DOCK1: variants seen among roughly 807,000 people sequenced by gnomAD.
DOCK1 encodes the protein dedicator of cytokinesis protein 1.
In DOCK1, 138 loss-of-function variants were observed where a neutral mutation model predicts 262.7. That is an observed-to-expected ratio of 0.53 (90% CI 0.46 to 0.61). The LOEUF is 0.61. DOCK1 is among the 20% of genes least tolerant of loss of function. The pLI is 0.00. For missense variants in DOCK1, 1,908 were observed against 2,370.7 expected (o/e 0.80, Z 4.05); for synonymous variants, 866 against 867.4 (o/e 1.00, Z 0.03).
chr10:127,430,040 A>G (rs562892661), intron 47 of DOCK1, among the ~76,000 whole-genome samples: 163 of 152,196 alleles, frequency 1.1e-3, no homozygotes, highest in African/African-American at 3.7e-3. Context: ...CCATAACCCC[A>G]AGATGCCATC....
At chr10:126,948,884 G>C (rs1051513319) in intron 1 of DOCK1, among the ~76,000 whole-genome samples, 34 of 152,190 alleles carry the variant, frequency 2.2e-4, no homozygotes, top group African/African-American at 7.9e-4. Flanking sequence ...CCTGGCCCAG[G>C]GTAGTACTGG....
intron 48 of DOCK1, among the ~76,000 whole-genome samples, chr10:127,434,717 A>G (rs1162382140): frequency 1.2e-4 from 18 of 149,448 alleles, no homozygotes; most frequent in Non-Finnish European, 1.8e-4. Flanking sequence ...CAGTGGCACG[A>G]TCTCGGCTCA....
intron 6 of DOCK1, 77 bp from the exon 7 acceptor site, chr10:126,996,671 C>G: frequency 7.2e-7 from 1 of 1,386,918 alleles, no homozygotes; most frequent in East Asian, 2.7e-5. Context: ...TGCCCAGTTG[C>G]TGTGGTGGAA....
intron 19 of DOCK1, among the ~76,000 whole-genome samples, chr10:127,038,160 G>A (rs956692898): frequency 6.6e-5 from 10 of 152,128 alleles, no homozygotes; most frequent in African/African-American, 2.4e-4. Context: ...TTGAACCCAG[G>A]AGGCGGAGGT....
At chr10:127,314,211 G>A (rs570140220) in intron 29 of DOCK1, among the ~76,000 whole-genome samples, 5 of 152,334 alleles carry the variant, frequency 3.3e-5, no homozygotes, top group South Asian at 2.1e-4. Flanking sequence ...GGCAGACCAT[G>A]GAAATGTTTC....
In DOCK1 at chr10:127,370,502, A is replaced by G. The variant is rs557582777; in HGVS notation, c.3433-3279A>G. On this transcript the variant is annotated intron_variant, in intron 33 of 51. Coordinates refer to ENST00000623213, the MANE Select transcript of DOCK1 (RefSeq NM_001290223.2). ...GGCTGATTTTATACATTACAGATGT[A>G]TAAAATTATAGATGCATTAGAGTAA... 2.7e-3 allele frequency among the ~76,000 whole-genome samples: 404 copies of G among 152,302 alleles called. 1 individual carries two copies. The highest frequency in any genetic ancestry group is 6.8e-3 in the Middle Eastern group (2 of 294).
At position 127,012,500 on chromosome 10, in the gene DOCK1, G is replaced by C; in HGVS notation, c.1201+126G>C. 1.2e-6 allele frequency: 1 copy of C among 805,486 alleles called. No homozygotes were observed. The allele number at this position is 805,486 out of a possible 1,614,324, so 49.9% of individuals were successfully genotyped here. On this transcript the variant is annotated intron_variant, in intron 12 of 51. Coordinates refer to ENST00000623213, the MANE Select transcript of DOCK1 (RefSeq NM_001290223.2). This position sits in a 1 kb window ranked among gnomAD's most constrained non-coding sequence, Gnocchi z 4.0. ...GATAATGATGGGGATGACAGTGATC[G>C]TGGTGGAGAATGTGTGTGACAGTTG...
chr10:127,080,901 T>A (rs748725091), intron 23 of DOCK1, among the ~76,000 whole-genome samples: 1 of 152,172 alleles, frequency 6.6e-6, no homozygotes, highest in Non-Finnish European at 1.5e-5. Context: ...CGTTAGCTCA[T>A]AATTGTTTTC....
intron 23 of DOCK1, among the ~76,000 whole-genome samples, chr10:127,099,964 C>T (rs916505057): frequency 6.6e-6 from 1 of 152,134 alleles, no homozygotes; most frequent in Non-Finnish European, 1.5e-5. Context: ...AGCCTCTGAG[C>T]TGGCAGAGGG....
intron 12 of DOCK1, chr10:127,016,076 A>C (rs958418432): frequency 6.6e-6 from 1 of 152,174 alleles, no homozygotes; most frequent in African/African-American, 2.4e-5. Flanking sequence ...CTCCCGTGAG[A>C]ACTTCGCAGT....
chr10:127,109,229 G>A (rs149680865), intron 24 of DOCK1, among the ~76,000 whole-genome samples: 2,430 of 152,188 alleles, frequency 0.016, 54 homozygotes, highest in Non-Finnish European at 0.018. Context: ...CTGGTACTGG[G>A]AATTACCATT....
intron 12 of DOCK1, among the ~76,000 whole-genome samples, chr10:127,014,052 C>G (rs1384160306): frequency 6.6e-6 from 1 of 152,252 alleles, no homozygotes; most frequent in Non-Finnish European, 1.5e-5. Context: ...TCAGAGAGAA[C>G]CACTGGGTTT....
intron 27 of DOCK1, chr10:127,195,877 GT>G (rs1250326401): frequency 1.3e-5 from 2 of 152,300 alleles, no homozygotes; most frequent in Non-Finnish European, 2.9e-5. Context: ...GGCCAAGCCG[GT>G]TTGGGGCCGA....
chr10:127,095,597 C>T (rs777574372), intron 23 of DOCK1, among the ~76,000 whole-genome samples: 2 of 151,992 alleles, frequency 1.3e-5, no homozygotes, highest in African/African-American at 2.4e-5. Context: ...CTGGGCTGAC[C>T]CAAAGGCCGA....
intron 25 of DOCK1, among the ~76,000 whole-genome samples, chr10:127,116,288 T>A (rs1486431579): frequency 1.3e-5 from 2 of 152,232 alleles, no homozygotes; most frequent in African/African-American, 4.8e-5. Flanking sequence ...ATTTTTGAGC[T>A]TCTTGAAAGT....
intron 27 of DOCK1, among the ~76,000 whole-genome samples, chr10:127,197,738 CT>C (rs1215092591): frequency 1.3e-5 from 2 of 152,192 alleles, no homozygotes; most frequent in African/African-American, 4.8e-5. Flanking sequence ...CTAGCACCAG[CT>C]CTGTGCCTGT....
chr10:127,361,052 C>G (rs1218430554), intron 32 of DOCK1, among the ~76,000 whole-genome samples: 1 of 142,580 alleles, frequency 7.0e-6, no homozygotes, highest in Non-Finnish European at 1.5e-5. Context: ...TTTCTGAGTT[C>G]TTTAAAAATC....
intron 27 of DOCK1, among the ~76,000 whole-genome samples, chr10:127,219,577 C>G (rs992335215): frequency 6.6e-6 from 1 of 152,228 alleles, no homozygotes; most frequent in South Asian, 2.1e-4. Flanking sequence ...TGACTAAATT[C>G]CAGAACTCTT....
chr10:127,425,888 C>G lies in DOCK1; in HGVS notation c.4791C>G (p.Ala1597=). ...CTGTTTTCCAGATTCCTTTTCTGGC[C>G]GAAGGGATCAGAATCCATGGAGACA... ...DLIAWQIPFL[A]EGIRIHGDKV... Residue 1597 remains alanine (A), a synonymous_variant, in exon 47 of 52, where the codon GCC becomes GCG. Transcript: ENST00000623213. 1.9e-6 allele frequency: 3 copies of G among 1,613,922 alleles called. No individual in the cohort carries two copies. Among genetic ancestry groups the G allele is most frequent in the Non-Finnish European group, 1.7e-6 (2 of 1,179,882 alleles).
Sources: gnomAD v4.1 joint callset for allele counts (sites outside exome capture counted in the v4.1 genomes callset) on GRCh38, gnomAD v4.1.1 for gene constraint, Gnocchi (gnomAD v3.1) non-coding constraint, MANE v1.5 for transcripts, NCBI Gene and HGNC (gene_info 2026-07-23, HGNC 2026-07-21) for gene names.